STXBP3: variants seen among roughly 807,000 people sequenced by gnomAD.
STXBP3 encodes syntaxin binding protein 3, also known as syntaxin-binding protein 3.
STXBP3 carries 41 observed loss-of-function variants against 85.7 expected under a neutral mutation model. The ratio of observed to expected loss-of-function variants is 0.48; its 90% confidence interval spans 0.37 to 0.62. The LOEUF (loss-of-function observed/expected upper bound fraction) is 0.62. Ranked by LOEUF, STXBP3 falls within the 20% of genes least tolerant of loss-of-function variation. STXBP3 has a pLI of 0.00. For synonymous variants in STXBP3, 229 were observed against 231.7 expected, an observed-to-expected ratio of 0.99 and a Z score of 0.10; for missense variants, 563 against 703.1, an observed-to-expected ratio of 0.80 and a Z score of 2.25.
intron 11 of STXBP3, among the ~76,000 whole-genome samples, chr1:108,785,372 C>A (rs1179371866): frequency 6.6e-6 from 1 of 152,184 alleles, no homozygotes; most frequent in Non-Finnish European, 1.5e-5. Context: ...CTTGCACCAT[C>A]TGAAGCAATG....
intron 7 of STXBP3, among the ~76,000 whole-genome samples, chr1:108,775,270 C>G (rs1021472787): frequency 6.6e-6 from 1 of 151,954 alleles, no homozygotes; most frequent in Admixed American, 6.6e-5. Context: ...TTCTTTCTCT[C>G]TCTCTTTTTT....
At chr1:108,803,025 A>T (rs1339162396) in intron 17 of STXBP3, among the ~76,000 whole-genome samples, 1 of 152,222 alleles carries the variant, frequency 6.6e-6, no homozygotes, top group Non-Finnish European at 1.5e-5. Flanking sequence ...GCATTATTAC[A>T]AACAGTATGC....
At chr1:108,750,316 C>A (rs1661873413) in intron 1 of STXBP3, among the ~76,000 whole-genome samples, 1 of 152,022 alleles carries the variant, frequency 6.6e-6, no homozygotes, top group Non-Finnish European at 1.5e-5. Flanking sequence ...TTATTTTTGC[C>A]TGTAGGGTTC....
rs1333762754 is a variant in STXBP3, at chr1:108,771,778, AAT to A, written c.439-882_439-881del. 1.4e-4 allele frequency among the ~76,000 whole-genome samples: 6 copies of A among 43,274 alleles called. 3 individuals carry two copies. The highest frequency in any genetic ancestry group is 6.3e-4 in the African/African-American group (6 of 9,498). 28.4% of individuals were successfully genotyped at this position (43,274 alleles called of 152,430 possible). On this transcript the variant is annotated intron_variant, in intron 6 of 18. Coordinates refer to ENST00000370008, the MANE Select transcript of STXBP3 (RefSeq NM_007269.4). ...GATATCTATCTATATATCATATATA[AAT>A]ATATGATATCTATCTATATATATCA...
chr1:108,772,874 A>G (rs1662499840), intron 7 of STXBP3, 55 bp downstream of exon 7: 3 of 1,415,334 alleles, frequency 2.1e-6, no homozygotes, highest in Middle Eastern at 1.9e-4. Flanking sequence ...TTCATTATAG[A>G]GGTAAGTAAT....
At position 108,782,813 on chromosome 1, in the gene STXBP3, A is replaced by T. The variant is rs1014589484; in HGVS notation, c.963+107A>T. On this transcript the variant is annotated intron_variant, in intron 11 of 18. Coordinates refer to ENST00000370008, the MANE Select transcript of STXBP3 (RefSeq NM_007269.4). Reference sequence around the variant, plus strand: ...CTTTTTATTTTTGGAAAGTTCTAACATGGAGGTAGAGAATGAACTCCTACG... The same window carrying T: ...CTTTTTATTTTTGGAAAGTTCTAACTTGGAGGTAGAGAATGAACTCCTACG... 8.4e-6 allele frequency: 9 copies of T among 1,074,934 alleles called. No homozygotes were observed. The African/African-American group carries it at 1.1e-4, about 13-fold the overall frequency. The allele number at this position is 1,074,934 out of a possible 1,614,324, so 66.6% of individuals were successfully genotyped here. A position where few individuals can be genotyped will look rare whatever the true frequency, so the allele number is the denominator to read the frequency against.
chr1:108,779,020 T>C (rs1055788044), intron 8 of STXBP3, among the ~76,000 whole-genome samples: 2 of 152,220 alleles, frequency 1.3e-5, no homozygotes, highest in Admixed American at 1.3e-4. Flanking sequence ...TTATTAAATA[T>C]ACCCTCTTAC....
chr1:108,796,724 C>G lies in STXBP3; in HGVS notation c.1354C>G (p.Gln452Glu), dbSNP rs1444708785. ...TTACCTTGGTGTTCCCATTGTTCCCCAAGTAAGAAGTCTTATGTTGTGTAT... is the reference window on the plus strand; with the variant it reads ...TTACCTTGGTGTTCCCATTGTTCCCGAAGTAAGAAGTCTTATGTTGTGTAT... ...WSYLGVPIVP[Q>E]SQQGKPLRKD... The change falls in exon 15 of 19, where the codon CAA becomes GAA. Residue 452 changes from glutamine (Q) to glutamate (E), a missense_variant and splice_region_variant. Transcript: ENST00000370008. 6.2e-7 allele frequency: 1 copy of G among 1,611,904 alleles called. No homozygotes were observed. Among genetic ancestry groups the G allele is most frequent in the South Asian group, 1.1e-5 (1 of 90,908 alleles).
At chr1:108,774,141 C>T (rs959936763) in intron 7 of STXBP3, among the ~76,000 whole-genome samples, 3 of 152,106 alleles carry the variant, frequency 2.0e-5, no homozygotes, top group African/African-American at 7.2e-5. Flanking sequence ...CTTTGCACAA[C>T]ATTATTTTCT....
At chr1:108,775,058 A>G (rs1198166808) in intron 7 of STXBP3, among the ~76,000 whole-genome samples, 1 of 152,174 alleles carries the variant, frequency 6.6e-6, no homozygotes, top group Admixed American at 6.6e-5. Context: ...AATATAGTAC[A>G]AAGAGTTTAA....
chr1:108,784,237 T>C, intron 11 of STXBP3, among the ~76,000 whole-genome samples: 1 of 152,246 alleles, frequency 6.6e-6, no homozygotes, highest in East Asian at 1.9e-4. Context: ...TAATTCACTA[T>C]ATTAGTCCAT....
At chr1:108,754,112 A>G (rs1225032327) in intron 3 of STXBP3, among the ~76,000 whole-genome samples, 2 of 146,280 alleles carry the variant, frequency 1.4e-5, no homozygotes, top group Non-Finnish European at 3.0e-5. Context: ...GGCTCACTGC[A>G]GCCTCCTCCT....
chr1:108,774,753 A>G (rs1274460357), intron 7 of STXBP3, among the ~76,000 whole-genome samples: 1 of 145,064 alleles, frequency 6.9e-6, no homozygotes, highest in Non-Finnish European at 1.5e-5. Context: ...TGCTGGGATT[A>G]TCTTTTTCTT....
Position 108,782,505 on chromosome 1 carries a change from C to T in STXBP3, c.893C>T (p.Ala298Val), listed in dbSNP as rs1161373096. The change falls in exon 10 of 19, where the codon GCG becomes GTG. Residue 298 changes from alanine to valine, a missense_variant. Physicochemically the swap from Ala to Val is moderately conservative, Grantham distance 64. Around this residue, in one of 3 missense-constraint regions of STXBP3, gnomAD observed 494 missense variants for 592.8 expected, o/e 0.83. Transcript: ENST00000370008. The part of the protein sequence containing the change: ...LWVRIRHRHI[A>V]VVLEEIPKLM... ...GTTAGAATTCGACATCGACATATTG[C>T]GGTTGTGTTAGAGTATGTGAACTCA... 6.8e-6 allele frequency: 11 copies of T among 1,613,342 alleles called. No individual in the cohort carries two copies. The highest frequency in any genetic ancestry group is 9.3e-6 in the Non-Finnish European group (11 of 1,179,692).
chr1:108,796,582 A>G (rs372023160), intron 14 of STXBP3, 38 bp from the exon 15 acceptor site: 48 of 1,558,874 alleles, frequency 3.1e-5, no homozygotes, highest in Middle Eastern at 3.4e-4. Context: ...TTTGGTAGCA[A>G]TTGTGTGATT....
At chr1:108,800,126 TTCC>T in intron 16 of STXBP3, 91 bp from the exon 17 acceptor site, 1 of 797,902 alleles carries the variant, frequency 1.3e-6, no homozygotes, top group Non-Finnish European at 2.2e-6. Context: ...ATGTCTAAGG[TTCC>T]TCAATTGCAA....
chr1:108,778,469 A>G (rs1314935397), intron 8 of STXBP3, among the ~76,000 whole-genome samples: 2 of 152,220 alleles, frequency 1.3e-5, no homozygotes, highest in Non-Finnish European at 2.9e-5. Context: ...AAGAGCACAG[A>G]TGTTGGAGCA....
At chr1:108,785,388 A>G (rs544513342) in intron 11 of STXBP3, among the ~76,000 whole-genome samples, 10 of 152,314 alleles carry the variant, frequency 6.6e-5, no homozygotes, top group African/African-American at 2.4e-4. Flanking sequence ...CAATGACCTG[A>G]GTTCTACTTT....
At chr1:108,774,583 A>G (rs1237443358) in intron 7 of STXBP3, among the ~76,000 whole-genome samples, 1 of 151,642 alleles carries the variant, frequency 6.6e-6, no homozygotes, top group Non-Finnish European at 1.5e-5. Context: ...GTATTACCAG[A>G]CAAGCTCTTT....
Sources: gnomAD v4.1 joint callset for allele counts (sites outside exome capture counted in the v4.1 genomes callset) on GRCh38, gnomAD v4.1.1 for gene constraint, gnomAD v4.1.1 regional missense constraint, MANE v1.5 for transcripts, NCBI Gene and HGNC (gene_info 2026-07-23, HGNC 2026-07-21) for gene names.